The following BRAF variants were observed in gnomAD, a reference collection of about 807,000 sequenced individuals.
The protein encoded by BRAF is B-Raf proto-oncogene, serine/threonine kinase, also known as serine/threonine-protein kinase B-raf.
BRAF carries 16 observed loss-of-function variants against 104.6 expected under a neutral mutation model. That is an observed-to-expected ratio of 0.15 (90% CI 0.10 to 0.23). The LOEUF (loss-of-function observed/expected upper bound fraction) is 0.23, where lower values mean the gene tolerates loss of function less well. Among genes scored for constraint, BRAF ranks in the 10% least tolerant of loss-of-function variants. BRAF has a pLI of 1.00. For synonymous variants in BRAF, 310 were observed against 341.6 expected (o/e 0.91, Z 1.02); for missense variants, 541 against 937.3 (o/e 0.58, Z 5.52).
intron 1 of BRAF, among the ~76,000 whole-genome samples, chr7:140,923,819 G>C (rs893284646): frequency 1.3e-5 from 2 of 152,174 alleles, no homozygotes; most frequent in Non-Finnish European, 2.9e-5. Context: ...TCTTAAGTGG[G>C]AGCTGGGGTT....
chr7:140,891,424 T>C (rs954715251), intron 1 of BRAF, among the ~76,000 whole-genome samples: 1 of 152,238 alleles, frequency 6.6e-6, no homozygotes, highest in African/African-American at 2.4e-5. Context: ...AAATCATCTT[T>C]AGATTACTTA....
At chr7:140,740,077 G>C (rs1796783533) in intron 17 of BRAF, 131 bp from the exon 17 acceptor site, 2 of 1,023,438 alleles carry the variant, frequency 2.0e-6, no homozygotes, top group Non-Finnish European at 2.8e-6. Flanking sequence ...TCAATAAAAA[G>C]TTTTAAAAAA....
chr7:140,772,272 T>TACA (rs61337459), intron 14 of BRAF, among the ~76,000 whole-genome samples: 17,532 of 149,190 alleles, frequency 0.12, 1,432 homozygotes, highest in African/African-American at 0.24. Flanking sequence ...ATTGTTTAAC[T>TACA]ACAACAACAA....
chr7:140,850,539 T>C (rs962109863), intron 1 of BRAF, among the ~76,000 whole-genome samples: 5 of 152,184 alleles, frequency 3.3e-5, no homozygotes, highest in African/African-American at 1.2e-4. Context: ...GTGAGCAGCC[T>C]TCCATGTCTC....
rs764938764 is a variant in BRAF at position 140,753,424 on chromosome 7, G to T, written c.1862-31C>A. ...GTGTAGTAAGTAAAGGAAAACAGTA[G>T]ATCTCATTTTCCTATCAGAGCAAGC... On this transcript the variant is annotated intron_variant, in intron 15 of 19. Transcript: ENST00000644969. 2.2e-6 allele frequency: 3 copies of T among 1,390,888 alleles called. No individual in the cohort carries two copies. The East Asian group carries it at 6.9e-5, about 32-fold the overall frequency. The allele number at this position is 1,390,888 out of a possible 1,614,324, so 86.2% of individuals were successfully genotyped here.
chr7:140,768,310 A>C (rs945048506), intron 14 of BRAF, among the ~76,000 whole-genome samples: 6 of 152,228 alleles, frequency 3.9e-5, no homozygotes, highest in African/African-American at 1.4e-4. Flanking sequence ...TCATATTCTT[A>C]CCATAATCAG....
intron 12 of BRAF, among the ~76,000 whole-genome samples, chr7:140,778,682 A>C (rs1031841687): frequency 6.6e-6 from 1 of 151,800 alleles, no homozygotes; most frequent in African/African-American, 2.4e-5. Flanking sequence ...ATGTACCCTA[A>C]AACTTAAAAG....
Position 140,719,439 on chromosome 7 carries a change from C to G in BRAF, c.*7055G>C. ...AATACAGTTTTTAAATAACTTTACACAGAAATAAATTTCTTCAATCTGAAT... is the reference window on the plus strand; with the variant it reads ...AATACAGTTTTTAAATAACTTTACAGAGAAATAAATTTCTTCAATCTGAAT... On this transcript the variant is annotated 3_prime_UTR_variant, in exon 20 of 20. Coordinates refer to ENST00000644969, the MANE Select transcript of BRAF (RefSeq NM_001374258.1). 2 of 1,010,602 alleles carry G rather than the reference C, an allele frequency of 2.0e-6. No homozygotes were observed. Among genetic ancestry groups the G allele is most frequent in the Non-Finnish European group, 2.4e-6 (2 of 837,538 alleles). 62.6% of individuals were successfully genotyped at this position (1,010,602 alleles called of 1,614,324 possible).
rs1332511212 is a variant in BRAF at position 140,719,532 on chromosome 7, T to G, written c.*6962A>C. The G allele has an allele frequency of 9.6e-7, 1 of 1,043,088 alleles. No homozygotes were observed. The highest frequency in any genetic ancestry group is 1.2e-6 in the Non-Finnish European group (1 of 862,626). 64.6% of individuals were successfully genotyped at this position (1,043,088 alleles called of 1,614,324 possible). On this transcript the variant is annotated 3_prime_UTR_variant, in exon 20 of 20. Coordinates refer to ENST00000644969, the MANE Select transcript of BRAF (RefSeq NM_001374258.1). ...GAACAATATTTTCTGTTATACAAAT[T>G]TACATGAGAAAAACTCCAAAGTACA...
At chr7:140,859,605 A>G (rs1208126834) in intron 1 of BRAF, among the ~76,000 whole-genome samples, 1 of 152,172 alleles carries the variant, frequency 6.6e-6, no homozygotes, top group Non-Finnish European at 1.5e-5. Context: ...TCAATTTTCC[A>G]CAAATAAATT....
At chr7:140,729,598 A>G (rs890979977) in intron 19 of BRAF, among the ~76,000 whole-genome samples, 1 of 152,044 alleles carries the variant, frequency 6.6e-6, no homozygotes, top group African/African-American at 2.4e-5. Flanking sequence ...CCTGGCCAAC[A>G]TGGTGAAACT....
chr7:140,773,656 G>C (rs1800056384), intron 14 of BRAF, among the ~76,000 whole-genome samples: 2 of 152,188 alleles, frequency 1.3e-5, no homozygotes, highest in Admixed American at 6.6e-5. Flanking sequence ...TGGTGAGTAA[G>C]AGAACAGATT....
chr7:140,868,237 T>A (rs866259233), intron 1 of BRAF, among the ~76,000 whole-genome samples: 2 of 152,150 alleles, frequency 1.3e-5, no homozygotes, highest in African/African-American at 4.8e-5. Context: ...TACGTTCTGT[T>A]AGGGAAACAG....
intron 14 of BRAF, among the ~76,000 whole-genome samples, chr7:140,760,881 G>A (rs993607784): frequency 1.3e-5 from 2 of 152,092 alleles, no homozygotes; most frequent in East Asian, 3.8e-4. Flanking sequence ...AAGAAATATG[G>A]GACTATGTGA....
chr7:140,890,463 C>T (rs1814094235), intron 1 of BRAF, among the ~76,000 whole-genome samples: 1 of 152,088 alleles, frequency 6.6e-6, no homozygotes, highest in Non-Finnish European at 1.5e-5. Context: ...TTCCTATAGC[C>T]CTCAGAGAAC....
chr7:140,831,016 T>C (rs1806675552), intron 3 of BRAF, among the ~76,000 whole-genome samples: 1 of 152,210 alleles, frequency 6.6e-6, no homozygotes, highest in Non-Finnish European at 1.5e-5. Context: ...AGTCACAACC[T>C]GGAACTTGGG....
rs1795256181 is a variant in BRAF, at chr7:140,720,243, T to C, written c.*6251A>G. On this transcript the variant is annotated 3_prime_UTR_variant, in exon 20 of 20. Transcript: ENST00000644969. ...AGATTACCACAAATACATATCACTG[T>C]GATACAGTCCTCAAAAATCAGGCGA... The C allele has an allele frequency of 1.1e-5, 12 of 1,062,944 alleles. No individual in the cohort carries two copies. The highest frequency in any genetic ancestry group is 1.3e-5 in the Non-Finnish European group (11 of 877,844). 65.8% of individuals were successfully genotyped at this position (1,062,944 alleles called of 1,614,324 possible).
At chr7:140,863,626 A>G (rs1450030166) in intron 1 of BRAF, among the ~76,000 whole-genome samples, 1 of 152,196 alleles carries the variant, frequency 6.6e-6, no homozygotes, top group Non-Finnish European at 1.5e-5. Flanking sequence ...GGAGGTGACT[A>G]GATCATGGGG....
At chr7:140,911,819 G>C (rs1241194923) in intron 1 of BRAF, among the ~76,000 whole-genome samples, 2 of 152,232 alleles carry the variant, frequency 1.3e-5, no homozygotes, top group Non-Finnish European at 2.9e-5. Context: ...TGGCAGGATA[G>C]TGGCAGGTAC....
Sources: gnomAD v4.1 joint callset for allele counts (sites outside exome capture counted in the v4.1 genomes callset) on GRCh38, gnomAD v4.1.1 for gene constraint, MANE v1.5 for transcripts, NCBI Gene and HGNC (gene_info 2026-07-23, HGNC 2026-07-21) for gene names.